The following ADAMTSL5 variants were observed in gnomAD, a reference collection of about 807,000 sequenced individuals.
The protein encoded by ADAMTSL5 is ADAMTS-like protein 5.
In ADAMTSL5, 53 loss-of-function variants were observed where a neutral mutation model predicts 51.7. The ratio of observed to expected loss-of-function variants is 1.03; its 90% confidence interval spans 0.82 to 1.29. ADAMTSL5 has a LOEUF of 1.29. Ranked by LOEUF, ADAMTSL5 falls within the 50% of genes most tolerant of loss-of-function variation. The probability of loss-of-function intolerance (pLI) is 0.00; values close to 1 mark genes in which losing one functional copy is unlikely to be tolerated. For missense variants in ADAMTSL5, 770 were observed against 676.2 expected (o/e 1.14, Z -1.54); for synonymous variants, 285 against 278.7 (o/e 1.02, Z -0.23).
Position 1,511,177 on chromosome 19 carries a change from TGTTA to T in ADAMTSL5, c.-217-21_-217-18del, listed in dbSNP as rs1020010146. On this transcript the variant is annotated intron_variant, in intron 1 of 11. Coordinates refer to ENST00000330475, the MANE Select transcript of ADAMTSL5 (RefSeq NM_213604.3). ...GAATGTCATCTGCAATTATTATTGTTGTTAGTTAGTTTGTTTTTGAGACGGAGTC... is the reference window on the plus strand; with the variant it reads ...GAATGTCATCTGCAATTATTATTGTTGTTAGTTTGTTTTTGAGACGGAGTC... 23 of 280,846 alleles carry T rather than the reference TGTTA, an allele frequency of 8.2e-5. No homozygotes were observed. Among genetic ancestry groups the T allele is most frequent in the Admixed American group, 3.4e-4 (5 of 14,786 alleles). The allele number at this position is 280,846 out of a possible 1,614,324, so 17.4% of individuals were successfully genotyped here. A position where few individuals can be genotyped will look rare whatever the true frequency, so the allele number is the denominator to read the frequency against.
rs1913185666 is a variant in ADAMTSL5, at chr19:1,510,219, A to C, written c.292T>G (p.Cys98Gly). 6.2e-7 allele frequency: 1 copy of C among 1,613,328 alleles called. No individual in the cohort carries two copies. The highest frequency in any genetic ancestry group is 1.3e-5 in the African/African-American group (1 of 75,042). Residue 98 changes from cysteine to glycine, a missense_variant, in exon 5 of 12, where the codon TGT (cysteine) becomes GGT (glycine). Coordinates refer to ENST00000330475, the MANE Select transcript of ADAMTSL5 (RefSeq NM_213604.3). The part of the protein sequence containing the change: ...PGAVPFRDLQ[C>G]ALYNGRPVLG... ...ACAGGGCGGCCATTGTACAGGGCACACTGTAGGTCTCGGAAGGGCACAGCC... is the reference window on the plus strand; with the variant it reads ...ACAGGGCGGCCATTGTACAGGGCACCCTGTAGGTCTCGGAAGGGCACAGCC...
Position 1,510,936 on chromosome 19 carries a change from G to C in ADAMTSL5, c.8C>G (p.Ser3Trp), listed in dbSNP as rs766906066. The change falls in exon 2 of 12, where the codon TCG becomes TGG. Residue 3 changes from serine to tryptophan, a missense_variant. By Grantham distance (177) the Ser-to-Trp change is radical. Transcript: ENST00000330475. The part of the protein sequence containing the change: MD[S>W]APLFPRPHLF... ...GTGGGGCCTGGGGAACAGAGGGGCC[G>C]AGTCCATAGAGCCACCGCCAGAGAC... 10 of 1,437,304 alleles carry C rather than the reference G, an allele frequency of 7.0e-6. No homozygotes were observed. Among genetic ancestry groups the C allele is most frequent in the Non-Finnish European group, 9.1e-6 (10 of 1,101,454 alleles). The allele number at this position is 1,437,304 out of a possible 1,614,324, so 89.0% of individuals were successfully genotyped here.
rs911368353 is a variant in ADAMTSL5 at position 1,511,647 on chromosome 19, G to A, written c.-217-487C>T. ...TACCTTTCCGTGTGGCCTGAGGCCAGCCACTCCACTCTCCCAGGCCTCAGT... is the reference window on the plus strand; with the variant it reads ...TACCTTTCCGTGTGGCCTGAGGCCAACCACTCCACTCTCCCAGGCCTCAGT... On this transcript the variant is annotated intron_variant, in intron 1 of 11. Transcript: ENST00000330475. 3 of 1,150,892 alleles carry A rather than the reference G, an allele frequency of 2.6e-6. No individual in the cohort carries two copies. In the African/African-American group the frequency reaches 4.8e-5, roughly 19 times the overall value. 71.3% of individuals were successfully genotyped at this position (1,150,892 alleles called of 1,614,324 possible).
Position 1,511,139 on chromosome 19 carries a change from G to A in ADAMTSL5, c.-196C>T, listed in dbSNP as rs1913244726. 2.4e-6 allele frequency: 1 copy of A among 409,086 alleles called. No individual in the cohort carries two copies. Among genetic ancestry groups the A allele is most frequent in the African/African-American group, 2.1e-5 (1 of 48,490 alleles). 25.3% of individuals were successfully genotyped at this position (409,086 alleles called of 1,614,324 possible). A position where few individuals can be genotyped will look rare whatever the true frequency, so the allele number is the denominator to read the frequency against. ...CAGGAGACGTGGAGCCCGGTATGGA[G>A]AGGAAGAACTCAGAATGTCATCTGC... On this transcript the variant is annotated 5_prime_UTR_variant, in exon 2 of 12. Transcript: ENST00000330475.
chr19:1,506,544 G>A lies in ADAMTSL5; in HGVS notation c.1114+46C>T. Reference sequence around the variant, plus strand: ...GATTAGGGTCAGAGGTCAGGAGGAGGCCAGGTTAGTAGGGGCTAAGTCAGG... The same window carrying A: ...GATTAGGGTCAGAGGTCAGGAGGAGACCAGGTTAGTAGGGGCTAAGTCAGG... On this transcript the variant is annotated intron_variant, in intron 11 of 11. Coordinates refer to ENST00000330475, the MANE Select transcript of ADAMTSL5 (RefSeq NM_213604.3). This position sits in a 1 kb window ranked among gnomAD's most constrained non-coding sequence, Gnocchi z 5.6. 6.3e-7 allele frequency: 1 copy of A among 1,587,898 alleles called. No homozygotes were observed. The highest frequency in any genetic ancestry group is 2.3e-5 in the East Asian group (1 of 44,212).
At chr19:1,508,409 G>T in intron 6 of ADAMTSL5, 34 bp downstream of exon 6, 1 of 1,493,014 alleles carries the variant, frequency 6.7e-7, no homozygotes, top group Non-Finnish European at 8.9e-7. Flanking sequence ...GTGGGAGGTG[G>T]GCGGGGCTCG....
At chr19:1,510,129 A>G in intron 5 of ADAMTSL5, 21 bp downstream of exon 5, 1 of 1,582,556 alleles carries the variant, frequency 6.3e-7, no homozygotes, top group Non-Finnish European at 8.6e-7. Flanking sequence ...AATTCTGACC[A>G]CAGGAGACCA....
In ADAMTSL5 at chr19:1,510,624, C is replaced by CCGGGCCCCG; in HGVS notation, c.191+6_191+14dup. On this transcript the variant is annotated intron_variant, in intron 3 of 11. Transcript: ENST00000330475. ...GGGGGAGGAGGGGCAGGGACCCCCT[C>CCGGGCCCCG]CGGGCCCCGCTCACCGGAGGCAGCG... The CCGGGCCCCG allele has an allele frequency of 6.5e-7, 1 of 1,527,228 alleles. No individual in the cohort carries two copies. Among genetic ancestry groups the CCGGGCCCCG allele is most frequent in the Non-Finnish European group, 8.8e-7 (1 of 1,135,966 alleles). The allele number at this position is 1,527,228 out of a possible 1,614,324, so 94.6% of individuals were successfully genotyped here.
At position 1,505,265 on chromosome 19, in the gene ADAMTSL5, G is replaced by A. The variant is rs1425112511; in HGVS notation, c.*750C>T. 6.6e-6 allele frequency: 1 copy of A among 152,210 alleles called. No individual in the cohort carries two copies. Among genetic ancestry groups the A allele is most frequent in the Non-Finnish European group, 1.5e-5 (1 of 68,152 alleles). The allele number at this position is 152,210 out of a possible 1,614,324, so 9.4% of individuals were successfully genotyped here. A position where few individuals can be genotyped will look rare whatever the true frequency, so the allele number is the denominator to read the frequency against. ...CACCTGGAGTTCCAGCTGCTGTGGA[G>A]GCTGAGGTGGGAGGATCGCTTGAGC... On this transcript the variant is annotated 3_prime_UTR_variant, in exon 12 of 12. Coordinates refer to ENST00000330475, the MANE Select transcript of ADAMTSL5 (RefSeq NM_213604.3).
chr19:1,508,163 G>C (rs1216967081), intron 6 of ADAMTSL5, 54 bp from the exon 7 acceptor site: 1 of 1,471,902 alleles, frequency 6.8e-7, no homozygotes, highest in Admixed American at 2.0e-5. Context: ...GGCAGGACCT[G>C]GGGAAAGGGC....
rs953951817 is a variant in ADAMTSL5 at position 1,506,158 on chromosome 19, C to G, written c.1273G>C (p.Asp425His). The stretch of plus-strand genomic sequence containing the variant: ...AGACGCTGGACAGCCATCAGGTAGT[C>G]CCGGTGGGGTGCCAGCATCGGGCAG... Reference protein sequence around the residue: ...CPCPMLAPHRDYLMAVQRLVS... With the variant: ...CPCPMLAPHRHYLMAVQRLVS... The change falls in exon 12 of 12, where the codon GAC (aspartate) becomes CAC (histidine). Residue 425 changes from aspartate to histidine, a missense_variant. By Grantham distance (81) the Asp-to-His change is moderately conservative (BLOSUM62 -1). Coordinates refer to ENST00000330475, the MANE Select transcript of ADAMTSL5 (RefSeq NM_213604.3). The surrounding 1 kb of genome is among the most constrained non-coding windows in gnomAD (Gnocchi z 5.6). 6.2e-7 allele frequency: 1 copy of G among 1,608,878 alleles called. No homozygotes were observed. The highest frequency in any genetic ancestry group is 1.1e-5 in the South Asian group (1 of 90,602).
In ADAMTSL5 at chr19:1,505,990, G is replaced by A. The variant is rs1912896187; in HGVS notation, c.*25C>T. 1 of 1,516,528 alleles carries A rather than the reference G, an allele frequency of 6.6e-7. No homozygotes were observed. The highest frequency in any genetic ancestry group is 8.8e-7 in the Non-Finnish European group (1 of 1,140,288). 93.9% of individuals were successfully genotyped at this position (1,516,528 alleles called of 1,614,324 possible). The stretch of plus-strand genomic sequence containing the variant: ...TGGTCAGATGTATCTTTCTTGCTGT[G>A]TGTGGCCGGGGCTCCTGCAGGGGCT... On this transcript the variant is annotated 3_prime_UTR_variant, in exon 12 of 12. Transcript: ENST00000330475.
At chr19:1,512,467 G>A (rs1369683221) in intron 1 of ADAMTSL5, among the ~76,000 whole-genome samples, 1 of 152,116 alleles carries the variant, frequency 6.6e-6, no homozygotes, top group Non-Finnish European at 1.5e-5. Context: ...GATCACCTGA[G>A]GTCAGAAGTT....
Position 1,510,932 on chromosome 19 carries a change from G to C in ADAMTSL5, c.12C>G (p.Ala4=). ...AGAGGTGGGGCCTGGGGAACAGAGGGGCCGAGTCCATAGAGCCACCGCCAG... is the reference window on the plus strand; with the variant it reads ...AGAGGTGGGGCCTGGGGAACAGAGGCGCCGAGTCCATAGAGCCACCGCCAG... MDS[A]PLFPRPHLFQ... The change falls in exon 2 of 12, where the codon GCC becomes GCG. Residue 4 remains alanine, a synonymous_variant. Coordinates refer to ENST00000330475, the MANE Select transcript of ADAMTSL5 (RefSeq NM_213604.3). The C allele has an allele frequency of 6.9e-7, 1 of 1,448,706 alleles. No homozygotes were observed. Among genetic ancestry groups the C allele is most frequent in the East Asian group, 2.7e-5 (1 of 36,658 alleles). The allele number at this position is 1,448,706 out of a possible 1,614,324, so 89.7% of individuals were successfully genotyped here.
intron 7 of ADAMTSL5, 73 bp from the exon 8 acceptor site, chr19:1,507,716 A>G: frequency 7.0e-7 from 1 of 1,438,468 alleles, no homozygotes; most frequent in Non-Finnish European, 9.7e-7. Flanking sequence ...GGATTTAATG[A>G]GCTACTGCGG....
Position 1,510,935 on chromosome 19 carries a change from C to T in ADAMTSL5, c.9G>A (p.Ser3=), listed in dbSNP as rs192665643. 556 of 1,440,386 alleles carry T rather than the reference C, an allele frequency of 3.9e-4. 5 individuals are homozygous for T. In the East Asian group the frequency reaches 5.9e-3, roughly 15 times the overall value. The allele number at this position is 1,440,386 out of a possible 1,614,324, so 89.2% of individuals were successfully genotyped here. Residue 3 remains serine, a synonymous_variant, in exon 2 of 12, where the codon TCG becomes TCA. Coordinates refer to ENST00000330475, the MANE Select transcript of ADAMTSL5 (RefSeq NM_213604.3). ...GGTGGGGCCTGGGGAACAGAGGGGC[C>T]GAGTCCATAGAGCCACCGCCAGAGA... MD[S]APLFPRPHLF... is the part of the protein sequence containing the mutation.
intron 1 of ADAMTSL5, chr19:1,511,855 G>C: frequency 3.2e-6 from 1 of 316,706 alleles, no homozygotes; most frequent in African/African-American, 2.2e-5. Flanking sequence ...TTGGGGATGG[G>C]ACAGGGAGGG....
intron 1 of ADAMTSL5, 105 bp from the exon 2 acceptor site, chr19:1,511,265 C>G (rs1913252699): frequency 5.5e-6 from 1 of 180,880 alleles, no homozygotes; most frequent in African/African-American, 2.4e-5. Flanking sequence ...GCAACCCTCC[C>G]CGGTTCAAGT....
At position 1,507,269 on chromosome 19, in the gene ADAMTSL5, C is replaced by T. The variant is rs1912987865; in HGVS notation, c.825G>A (p.Gly275=). The T allele has an allele frequency of 1.9e-6, 3 of 1,554,288 alleles. No individual in the cohort carries two copies. Among genetic ancestry groups the T allele is most frequent in the Non-Finnish European group, 2.6e-6 (3 of 1,151,322 alleles). Residue 275 remains glycine (G), a synonymous_variant, in exon 9 of 12, where the codon GGG becomes GGA. Coordinates refer to ENST00000330475, the MANE Select transcript of ADAMTSL5 (RefSeq NM_213604.3). The part of the protein sequence containing the change: ...TGPQETLQAA[G]PTSHDLLLQV... ...GTAGGAGCAGGTCATGGGAGGTGGG[C>T]CCGGCTGCTTGCAATGTCTCCTGGG...
Sources: gnomAD v4.1 joint callset for allele counts (sites outside exome capture counted in the v4.1 genomes callset) on GRCh38, gnomAD v4.1.1 for gene constraint, Gnocchi (gnomAD v3.1) non-coding constraint, MANE v1.5 for transcripts, NCBI Gene and HGNC (gene_info 2026-07-23, HGNC 2026-07-21) for gene names.